Variants in NRXN1 observed in about 807,000 individuals in gnomAD.
NRXN1 encodes the protein neurexin-1.
A neutral mutation model predicts 150.9 loss-of-function variants in NRXN1; 39 were observed. That is an observed-to-expected ratio of 0.26 (90% CI 0.20 to 0.34). NRXN1 has a LOEUF of 0.34. NRXN1 is among the 10% of genes least tolerant of loss of function. The pLI is 1.00. For missense variants in NRXN1, 1,815 were observed against 1,949.9 expected (o/e 0.93, Z 1.30); for synonymous variants, 924 against 757.0 (o/e 1.22, Z -3.62).
At position 50,143,127 on chromosome 2, in the gene NRXN1, G is replaced by A. The variant is rs1574141690; in HGVS notation, c.3547-51633C>T. ...GGAATGGAAAATAGAAAGAAGGAAA[G>A]AAGGAAAGGAGAGGAAGAGAAAGGT... On this transcript the variant is annotated intron_variant, in intron 18 of 22. Transcript: ENST00000401669. Among the ~76,000 whole-genome samples the A allele has an allele frequency of 4.6e-5, 7 of 151,678 alleles. 1 individual carries two copies. The highest frequency in any genetic ancestry group is 4.6e-4 in the Admixed American group (7 of 15,170).
intron 17 of NRXN1, among the ~76,000 whole-genome samples, chr2:50,306,947 G>A (rs531038295): frequency 1.3e-4 from 20 of 152,162 alleles, no homozygotes; most frequent in Non-Finnish European, 2.5e-4. Flanking sequence ...TTAAAAATGA[G>A]GAACTGTCTG....
rs115722484 is a variant in NRXN1 at position 50,526,491 on chromosome 2, T to C, written c.2374+2134A>G. On this transcript the variant is annotated intron_variant, in intron 12 of 22. Transcript: ENST00000401669. ...CATTAAACTGCAAGTTATACTGAGA[T>C]ACAGATATTGTTAATTTAGTTTTTA... Among the ~76,000 whole-genome samples, 748 of 152,328 alleles carry C rather than the reference T, an allele frequency of 4.9e-3. 2 individuals are homozygous for C. Among genetic ancestry groups the C allele is most frequent in the African/African-American group, 0.018 (731 of 41,578 alleles).
intron 18 of NRXN1, among the ~76,000 whole-genome samples, chr2:50,219,667 G>C (rs760930708): frequency 1.3e-5 from 2 of 150,792 alleles, no homozygotes. Flanking sequence ...CAGGAGGATC[G>C]CTTGAGCCCA....
At position 50,180,203 on chromosome 2, in the gene NRXN1, T is replaced by A. The variant is rs1222748616; in HGVS notation, c.3546+56586A>T. Among the ~76,000 whole-genome samples the A allele has an allele frequency of 1.1e-4, 16 of 147,970 alleles. No homozygotes were observed. In the South Asian group the frequency reaches 2.0e-3, roughly 18 times the overall value. On this transcript the variant is annotated intron_variant, in intron 18 of 22. Transcript: ENST00000401669. The stretch of plus-strand genomic sequence containing the variant: ...CATCTGGCTAATTTAAAAAAAAAAA[T>A]TTGTAGAGACACGGTCTTGCTGTGC...
chr2:50,209,595 A>G (rs1450066012), intron 18 of NRXN1, among the ~76,000 whole-genome samples: 1 of 152,108 alleles, frequency 6.6e-6, no homozygotes, highest in Non-Finnish European at 1.5e-5. Flanking sequence ...TAGGTACTTA[A>G]ATAAAACAAA....
chr2:50,032,628 A>G (rs1007108269), intron 21 of NRXN1, among the ~76,000 whole-genome samples: 1 of 151,962 alleles, frequency 6.6e-6, no homozygotes, highest in Non-Finnish European at 1.5e-5. Flanking sequence ...CTAACCCCCA[A>G]TGTGACTTAT....
chr2:50,447,767 ATATATATATATACC>A (rs1558748464), intron 17 of NRXN1, among the ~76,000 whole-genome samples: 2 of 95,618 alleles, frequency 2.1e-5, no homozygotes, highest in African/African-American at 8.2e-5. Context: ...ATATATATAT[ATATATATATATACC>A]TAATTCCCTA....
In NRXN1 at chr2:50,346,804, C is replaced by A. The variant is rs773849803; in HGVS notation, c.3365-109834G>T. 6.2e-7 allele frequency: 1 copy of A among 1,613,312 alleles called. No individual in the cohort carries two copies. On this transcript the variant is annotated intron_variant, in intron 17 of 22. Coordinates refer to ENST00000401669, the MANE Select transcript of NRXN1 (RefSeq NM_001330078.2). This position sits in a 1 kb window ranked among gnomAD's most constrained non-coding sequence, Gnocchi z 5.0. ...GTGCGCTCCCAAACTGGATGCCCCC[C>A]ACGCCACTCCTAGGAGGCCGCTGAG...
intron 8 of NRXN1, among the ~76,000 whole-genome samples, chr2:50,553,623 C>T (rs1216003462): frequency 1.3e-5 from 2 of 152,228 alleles, no homozygotes; most frequent in African/African-American, 4.8e-5. Context: ...AGATCCCTGA[C>T]CTGCATCAAT....
At chr2:49,970,711 C>T (rs1677797561) in intron 21 of NRXN1, 1 of 152,058 alleles carries the variant, frequency 6.6e-6, no homozygotes, top group Non-Finnish European at 1.5e-5. Context: ...AACTTAAATG[C>T]TAAAGAATGT....
chr2:50,685,645 TC>T (rs1247420568), intron 5 of NRXN1, among the ~76,000 whole-genome samples: 2 of 152,122 alleles, frequency 1.3e-5, no homozygotes, highest in African/African-American at 2.4e-5. Flanking sequence ...ACAAATAACT[TC>T]AGCAGTCTCT....
intron 17 of NRXN1, among the ~76,000 whole-genome samples, chr2:50,290,276 C>A (rs1028070267): frequency 6.6e-6 from 1 of 152,110 alleles, no homozygotes; most frequent in Non-Finnish European, 1.5e-5. Context: ...CCCAATACTT[C>A]GCCTGAAATT....
intron 5 of NRXN1, among the ~76,000 whole-genome samples, chr2:50,826,589 G>C (rs1472680150): frequency 6.6e-6 from 1 of 152,040 alleles, no homozygotes; most frequent in African/African-American, 2.4e-5. Flanking sequence ...TCAATTGTTG[G>C]GGTGATTATG....
chr2:50,714,899 T>C (rs1460018065), intron 5 of NRXN1, among the ~76,000 whole-genome samples: 1 of 152,080 alleles, frequency 6.6e-6, no homozygotes, highest in Non-Finnish European at 1.5e-5. Flanking sequence ...CACAGATACA[T>C]TAGAATAATT....
chr2:50,402,642 A>G (rs2082467986), intron 17 of NRXN1, among the ~76,000 whole-genome samples: 1 of 152,086 alleles, frequency 6.6e-6, no homozygotes, highest in Non-Finnish European at 1.5e-5. Flanking sequence ...CACAAAAACG[A>G]AAGGAATGTG....
chr2:50,678,584 C>T (rs953129335), intron 5 of NRXN1, among the ~76,000 whole-genome samples: 12 of 152,122 alleles, frequency 7.9e-5, no homozygotes, highest in Admixed American at 4.6e-4. Flanking sequence ...TTCTCGGCAC[C>T]GTTGACATTT....
intron 12 of NRXN1, among the ~76,000 whole-genome samples, chr2:50,518,766 T>A (rs1192050794): frequency 6.6e-6 from 1 of 151,832 alleles, no homozygotes; most frequent in Non-Finnish European, 1.5e-5. Flanking sequence ...GATCAATGAA[T>A]TTACCTTTTA....
At chr2:50,380,857 T>C (rs1033179972) in intron 17 of NRXN1, among the ~76,000 whole-genome samples, 4 of 152,142 alleles carry the variant, frequency 2.6e-5, no homozygotes, top group Admixed American at 2.6e-4. Context: ...CATATTATCA[T>C]CACCAATAAA....
chr2:50,170,912 G>A (rs1257164768), intron 18 of NRXN1, among the ~76,000 whole-genome samples: 1 of 152,068 alleles, frequency 6.6e-6, no homozygotes, highest in Non-Finnish European at 1.5e-5. Flanking sequence ...GTAGCCTACT[G>A]TTGACCAGAA....
Sources: allele counts gnomAD v4.1 joint callset (sites outside exome capture counted in the v4.1 genomes callset), GRCh38; gene constraint gnomAD v4.1.1; non-coding constraint Gnocchi (gnomAD v3.1); transcripts MANE v1.5; gene names NCBI Gene and HGNC (gene_info 2026-07-23, HGNC 2026-07-21).